SRBD1: variants seen among roughly 807,000 people sequenced by gnomAD.
SRBD1 encodes the protein S1 RNA-binding domain-containing protein 1.
Under a neutral mutation model 115.3 loss-of-function variants are expected in SRBD1, and 88 were observed. The ratio of observed to expected loss-of-function variants is 0.76; its 90% CI spans 0.64 to 0.91. The LOEUF is 0.91. Among genes scored for constraint, SRBD1 ranks in the 40% least tolerant of loss-of-function variants. The pLI, the probability that SRBD1 is intolerant of heterozygous loss-of-function variation, is 0.00. For synonymous variants in SRBD1, 509 were observed against 407.7 expected (o/e 1.25, Z -2.99); for missense variants, 1,385 against 1,177.4 (o/e 1.18, Z -2.58).
chr2:45,455,084 T>C (rs1421538083), intron 16 of SRBD1, among the ~76,000 whole-genome samples: 1 of 151,884 alleles, frequency 6.6e-6, no homozygotes, highest in African/African-American at 2.4e-5. Context: ...CTTCTTAGTT[T>C]GCTATAAAAT....
chr2:45,433,475 T>A (rs899448959), intron 16 of SRBD1, among the ~76,000 whole-genome samples: 18 of 152,286 alleles, frequency 1.2e-4, no homozygotes, highest in African/African-American at 4.3e-4. Flanking sequence ...TCTATTCAAT[T>A]TCAAATGAAG....
intron 14 of SRBD1, among the ~76,000 whole-genome samples, chr2:45,531,708 A>G (rs1379926869): frequency 6.6e-6 from 1 of 151,378 alleles, no homozygotes; most frequent in Non-Finnish European, 1.5e-5. Context: ...TCTACCCCAT[A>G]TATTAAGCCT....
intron 18 of SRBD1, among the ~76,000 whole-genome samples, chr2:45,415,407 C>CACATATAGTGTGTATATGTGTATATACAA (rs1667786389): frequency 9.3e-6 from 1 of 107,940 alleles, no homozygotes. Context: ...TGTATATACA[C>CACATATAGTGTGTATATGTGTATATACAA]ACATATAGTG....
intron 15 of SRBD1, among the ~76,000 whole-genome samples, chr2:45,478,733 T>A (rs932089064): frequency 9.2e-5 from 14 of 152,174 alleles, no homozygotes; most frequent in African/African-American, 2.7e-4. Context: ...TAAGAATGAT[T>A]TTCAACACAT....
At chr2:45,554,855 T>C (rs1033099914) in intron 10 of SRBD1, among the ~76,000 whole-genome samples, 2 of 152,156 alleles carry the variant, frequency 1.3e-5, no homozygotes, top group Admixed American at 6.5e-5. Flanking sequence ...ATAGCTCCCC[T>C]TAACTGCTCT....
chr2:45,589,833 A>T (rs1226862173), intron 4 of SRBD1, among the ~76,000 whole-genome samples: 1 of 152,226 alleles, frequency 6.6e-6, no homozygotes, highest in Non-Finnish European at 1.5e-5. Context: ...AATGATAATC[A>T]AGATGTAAAA....
At position 45,431,492 on chromosome 2, in the gene SRBD1, G is replaced by A. The variant is rs141793649; in HGVS notation, c.2050-11598C>T. Among the ~76,000 whole-genome samples the A allele has an allele frequency of 5.3e-3, 801 of 152,238 alleles. 9 individuals carry two copies. Among genetic ancestry groups the A allele is most frequent in the African/African-American group, 0.018 (749 of 41,518 alleles). ...ATGTCCTTTGCAGGGATATGAAGCT[G>A]GAAGCCATCATTCTCAGCAAACTAA... On this transcript the variant is annotated intron_variant, in intron 16 of 20. Coordinates refer to ENST00000263736, the MANE Select transcript of SRBD1 (RefSeq NM_018079.5).
intron 4 of SRBD1, among the ~76,000 whole-genome samples, chr2:45,595,685 C>T (rs931484981): frequency 1.3e-5 from 2 of 151,992 alleles, no homozygotes; most frequent in Admixed American, 6.6e-5. Context: ...CTCCTGTTTA[C>T]GGAGAAATTT....
chr2:45,477,224 T>G, intron 15 of SRBD1, 149 bp from the exon 16 acceptor site: 5 of 623,296 alleles, frequency 8.0e-6, no homozygotes, highest in Non-Finnish European at 1.1e-5. Flanking sequence ...AATTTCAAAG[T>G]TCTCTTTTTT....
intron 14 of SRBD1, among the ~76,000 whole-genome samples, chr2:45,540,319 C>A (rs766027359): frequency 9.6e-5 from 14 of 146,136 alleles, no homozygotes; most frequent in Non-Finnish European, 1.3e-4. Context: ...CCAGCCTGGG[C>A]GACAGAGAGA....
chr2:45,578,783 C>T (rs575497209), intron 7 of SRBD1, among the ~76,000 whole-genome samples: 7 of 152,174 alleles, frequency 4.6e-5, no homozygotes, highest in East Asian at 1.9e-4. Context: ...ACATACAACA[C>T]GGGGGCTACA....
chr2:45,444,709 T>C (rs1396213654), intron 16 of SRBD1, among the ~76,000 whole-genome samples: 1 of 152,230 alleles, frequency 6.6e-6, no homozygotes, highest in Admixed American at 6.5e-5. Flanking sequence ...ATTTCAATAA[T>C]CTTTTTCTCT....
intron 15 of SRBD1, among the ~76,000 whole-genome samples, chr2:45,486,761 A>AAATAAT (rs1409072544): frequency 2.6e-5 from 4 of 151,288 alleles, no homozygotes; most frequent in Non-Finnish European, 4.4e-5. Flanking sequence ...AAATAAAATA[A>AAATAAT]ATAAATAAAT....
chr2:45,607,389 T>G (rs1190240859), intron 1 of SRBD1, among the ~76,000 whole-genome samples: 1 of 152,114 alleles, frequency 6.6e-6, no homozygotes, highest in Non-Finnish European at 1.5e-5. Flanking sequence ...TAACAAAAAT[T>G]TATTCCCCAA....
chr2:45,466,281 CCCA>C (rs997216908), intron 16 of SRBD1, among the ~76,000 whole-genome samples: 5 of 152,050 alleles, frequency 3.3e-5, no homozygotes, highest in Non-Finnish European at 4.4e-5. Flanking sequence ...CACCTACTAC[CCCA>C]CAGGAGTCTC....
intron 19 of SRBD1, among the ~76,000 whole-genome samples, chr2:45,402,137 C>G (rs1041230298): frequency 2.0e-5 from 3 of 152,110 alleles, no homozygotes; most frequent in Admixed American, 6.6e-5. Context: ...GGCCCTCCCC[C>G]AATCTCAACT....
intron 16 of SRBD1, among the ~76,000 whole-genome samples, chr2:45,469,530 A>G (rs1031086929): frequency 1.3e-5 from 2 of 152,184 alleles, no homozygotes; most frequent in African/African-American, 4.8e-5. Flanking sequence ...AAGATAAGTA[A>G]TGGTGTTACA....
intron 16 of SRBD1, among the ~76,000 whole-genome samples, chr2:45,460,446 T>C (rs919066441): frequency 8.6e-5 from 13 of 151,834 alleles, no homozygotes; most frequent in African/African-American, 2.4e-4. Context: ...TCACAGAAGG[T>C]TGGAAGGGAG....
At chr2:45,407,176 G>A (rs186382990) in intron 19 of SRBD1, among the ~76,000 whole-genome samples, 49 of 152,206 alleles carry the variant, frequency 3.2e-4, no homozygotes, top group Non-Finnish European at 1.2e-4. Flanking sequence ...AACCTCACAG[G>A]GTTGCTGTGT....
Sources: allele counts gnomAD v4.1 joint callset (sites outside exome capture counted in the v4.1 genomes callset), GRCh38; gene constraint gnomAD v4.1.1; transcripts MANE v1.5; gene names NCBI Gene and HGNC (gene_info 2026-07-23, HGNC 2026-07-21).